Variants in CYCS observed in about 807,000 individuals in gnomAD.
CYCS encodes the protein cytochrome c, somatic.
For synonymous variants in CYCS, 41 were observed against 43.0 expected, an observed-to-expected ratio of 0.95 and a Z score of 0.18; for missense variants, 87 against 125.3, an observed-to-expected ratio of 0.69 and a Z score of 1.46.
At chr7:25,124,710 C>A (rs1783418232) in intron 1 of CYCS, 1 of 159,736 alleles carries the variant, frequency 6.3e-6, no homozygotes, top group Admixed American at 5.9e-5. Flanking sequence ...CTGGGGCGAC[C>A]ACGAGGTCAC....
At position 25,119,936 on chromosome 7, in the gene CYCS, CA is replaced by C. The variant is rs1783333228; in HGVS notation, c.*3764del. On this transcript the variant is annotated 3_prime_UTR_variant, in exon 3 of 3. Coordinates refer to ENST00000305786, the MANE Select transcript of CYCS (RefSeq NM_018947.6). ...CAAGAGAAGTGCAGGAAAAGGATGA[CA>C]AAAGGTAAATCCCTAGCTACCACCA... 2.6e-5 allele frequency among the ~76,000 whole-genome samples: 4 copies of C among 152,072 alleles called. No individual in the cohort carries two copies. The highest frequency in any genetic ancestry group is 2.6e-4 in the Admixed American group (4 of 15,272).
rs7810784 is a variant in CYCS at position 25,121,369 on chromosome 7, A to T, written c.*2332T>A. On this transcript the variant is annotated 3_prime_UTR_variant, in exon 3 of 3. Transcript: ENST00000305786. ...ACCAGTCTGGCCAACATGGTGAAAC[A>T]CCATCTCCACTAAAAATACAAAAAT... 5 of 151,490 alleles carry T rather than the reference A, an allele frequency of 3.3e-5. No homozygotes were observed. The highest frequency in any genetic ancestry group is 7.4e-5 in the Non-Finnish European group (5 of 67,894). The allele number at this position is 151,490 out of a possible 1,614,324, so 9.4% of individuals were successfully genotyped here.
chr7:25,121,463 C>T lies in CYCS; in HGVS notation c.*2238G>A, dbSNP rs901787889. The T allele has an allele frequency of 1.3e-5, 2 of 151,254 alleles. No individual in the cohort carries two copies. The highest frequency in any genetic ancestry group is 1.3e-4 in the Admixed American group (2 of 15,214). 9.4% of individuals were successfully genotyped at this position (151,254 alleles called of 1,614,324 possible). ...GAGGCTGAGGCAGGAGAATCACTTG[C>T]AACTGGAAGGCGGAGGTTGCAGTGA... On this transcript the variant is annotated 3_prime_UTR_variant, in exon 3 of 3. Coordinates refer to ENST00000305786, the MANE Select transcript of CYCS (RefSeq NM_018947.6).
Position 25,119,855 on chromosome 7 carries a change from A to G in CYCS, c.*3846T>C, listed in dbSNP as rs903695562. Among the ~76,000 whole-genome samples, 4 of 152,184 alleles carry G rather than the reference A, an allele frequency of 2.6e-5. No homozygotes were observed. Among genetic ancestry groups the G allele is most frequent in the African/African-American group, 9.7e-5 (4 of 41,446 alleles). Reference sequence around the variant, plus strand: ...CCATGTGGATTCTATCACACCCTTTATAATTTACAGCAATCTTCAGTGGTT... The same window carrying G: ...CCATGTGGATTCTATCACACCCTTTGTAATTTACAGCAATCTTCAGTGGTT... On this transcript the variant is annotated 3_prime_UTR_variant, in exon 3 of 3. Transcript: ENST00000305786.
rs1783415517 is a variant in CYCS at position 25,124,586 on chromosome 7, G to C, written c.-8-459C>G. ...AAATGTTTAAAAAGCGGTCCTGGCT[G>C]TTTCTATCTGCCCAGGTCACAGGAG... is the stretch of plus-strand genomic sequence containing the variant. On this transcript the variant is annotated intron_variant, in intron 1 of 2. Transcript: ENST00000305786. The C allele has an allele frequency of 1.7e-5, 4 of 231,634 alleles. No homozygotes were observed. The South Asian group carries it at 2.1e-4, about 12-fold the overall frequency. 14.3% of individuals were successfully genotyped at this position (231,634 alleles called of 1,614,324 possible).
In CYCS at chr7:25,122,652, G is replaced by T. The variant is rs1783381677; in HGVS notation, c.*1049C>A. 1 of 152,252 alleles carries T rather than the reference G, an allele frequency of 6.6e-6. No individual in the cohort carries two copies. The highest frequency in any genetic ancestry group is 2.4e-5 in the African/African-American group (1 of 41,468). The allele number at this position is 152,252 out of a possible 1,614,324, so 9.4% of individuals were successfully genotyped here. ...GCAAAGAAACTAAGAGTCAATTAGT[G>T]AAGTGTTATTCTAGTTGAGGCAGTC... On this transcript the variant is annotated 3_prime_UTR_variant, in exon 3 of 3. Transcript: ENST00000305786.
chr7:25,120,411 G>C lies in CYCS; in HGVS notation c.*3290C>G, dbSNP rs368562251. On this transcript the variant is annotated 3_prime_UTR_variant, in exon 3 of 3. Transcript: ENST00000305786. ...AATTCTAGATTTAATAGAGTAAAGA[G>C]AAAGTACTTTTGTTACAGACCACTG... 1 of 152,148 alleles carries C rather than the reference G, an allele frequency of 6.6e-6. No homozygotes were observed. The highest frequency in any genetic ancestry group is 1.5e-5 in the Non-Finnish European group (1 of 68,014). The allele number at this position is 152,148 out of a possible 1,614,324, so 9.4% of individuals were successfully genotyped here. A position where few individuals can be genotyped will look rare whatever the true frequency, so the allele number is the denominator to read the frequency against.
At chr7:25,124,484 A>G (rs1783413760) in intron 1 of CYCS, among the ~76,000 whole-genome samples, 1 of 152,218 alleles carries the variant, frequency 6.6e-6, no homozygotes, top group Non-Finnish European at 1.5e-5. Flanking sequence ...CCACAACCGC[A>G]ACTTTTAAAA....
intron 1 of CYCS, 134 bp downstream of exon 1, chr7:25,125,066 G>A (rs1783425949): frequency 6.6e-6 from 1 of 152,356 alleles, no homozygotes; most frequent in African/African-American, 2.4e-5. Context: ...ACAGTCCAGG[G>A]TCTTCACTCC....
intron 1 of CYCS, chr7:25,124,580 C>G (rs902030315): frequency 3.0e-5 from 7 of 235,436 alleles, no homozygotes; most frequent in Non-Finnish European, 5.1e-5. Flanking sequence ...AAAAGCGGTC[C>G]TGGCTGTTTC....
At position 25,123,110 on chromosome 7, in the gene CYCS, A is replaced by G. The variant is rs1184256500; in HGVS notation, c.*591T>C. ...ATCTGTAAGATGTGAGAGGTGTTGAATAATCTTTAATATTACACATAAACC... is the reference window on the plus strand; with the variant it reads ...ATCTGTAAGATGTGAGAGGTGTTGAGTAATCTTTAATATTACACATAAACC... On this transcript the variant is annotated 3_prime_UTR_variant, in exon 3 of 3. Transcript: ENST00000305786. 3 of 155,596 alleles carry G rather than the reference A, an allele frequency of 1.9e-5. No homozygotes were observed. Among genetic ancestry groups the G allele is most frequent in the Non-Finnish European group, 4.3e-5 (3 of 70,042 alleles). 9.6% of individuals were successfully genotyped at this position (155,596 alleles called of 1,614,324 possible).
intron 1 of CYCS, 131 bp from the exon 2 acceptor site, chr7:25,124,258 G>C (rs1783408580): frequency 1.3e-6 from 1 of 772,964 alleles, no homozygotes; most frequent in African/African-American, 1.7e-5. Context: ...AATGAATCTT[G>C]TTTTGCTTTA....
Position 25,122,874 on chromosome 7 carries a change from C to T in CYCS, c.*827G>A, listed in dbSNP as rs1251988036. On this transcript the variant is annotated 3_prime_UTR_variant, in exon 3 of 3. Coordinates refer to ENST00000305786, the MANE Select transcript of CYCS (RefSeq NM_018947.6). ...AATTATCTTTAGTCTTGTGATCACACATAATTTTAAAATTTGTGTATATCT... is the reference window on the plus strand; with the variant it reads ...AATTATCTTTAGTCTTGTGATCACATATAATTTTAAAATTTGTGTATATCT... The T allele has an allele frequency of 6.6e-6, 1 of 152,222 alleles. No individual in the cohort carries two copies. Among genetic ancestry groups the T allele is most frequent in the East Asian group, 1.9e-4 (1 of 5,208 alleles). 9.4% of individuals were successfully genotyped at this position (152,222 alleles called of 1,614,324 possible).
chr7:25,123,213 C>A lies in CYCS; in HGVS notation c.*488G>T, dbSNP rs755259625. On this transcript the variant is annotated 3_prime_UTR_variant, in exon 3 of 3. Transcript: ENST00000305786. Reference sequence around the variant, plus strand: ...TATAATTAGATTGGCATAGTTAAGGCCAAAACTATAGACATTGCTACCTTA... The same window carrying A: ...TATAATTAGATTGGCATAGTTAAGGACAAAACTATAGACATTGCTACCTTA... The A allele has an allele frequency of 5.2e-5, 9 of 173,722 alleles. No individual in the cohort carries two copies. Among genetic ancestry groups the A allele is most frequent in the Non-Finnish European group, 1.1e-4 (9 of 80,026 alleles). The allele number at this position is 173,722 out of a possible 1,614,324, so 10.8% of individuals were successfully genotyped here. A position where few individuals can be genotyped will look rare whatever the true frequency, so the allele number is the denominator to read the frequency against.
At position 25,121,949 on chromosome 7, in the gene CYCS, A is replaced by C. The variant is rs536908994; in HGVS notation, c.*1752T>G. ...CTCAAAAAACAAACTAAACGCCACAACTAGCCAAGATGGAAGGTTGAACAC... is the reference window on the plus strand; with the variant it reads ...CTCAAAAAACAAACTAAACGCCACACCTAGCCAAGATGGAAGGTTGAACAC... On this transcript the variant is annotated 3_prime_UTR_variant, in exon 3 of 3. Coordinates refer to ENST00000305786, the MANE Select transcript of CYCS (RefSeq NM_018947.6). 6.6e-6 allele frequency: 1 copy of C among 151,952 alleles called. No homozygotes were observed. Among genetic ancestry groups the C allele is most frequent in the South Asian group, 2.1e-4 (1 of 4,790 alleles). 9.4% of individuals were successfully genotyped at this position (151,952 alleles called of 1,614,324 possible).
chr7:25,124,610 A>C (rs960848008), intron 1 of CYCS: 3 of 202,802 alleles, frequency 1.5e-5, no homozygotes, highest in African/African-American at 7.1e-5. Flanking sequence ...AGGTCACAGG[A>C]GTAGCTTGAC....
rs1394797719 is a variant in CYCS at position 25,122,941 on chromosome 7, C to T, written c.*760G>A. ...TTTAAGTTGGCAAAAGCACCATTCCCAATCAAATACACAGTTCTACAGTTT... is the reference window on the plus strand; with the variant it reads ...TTTAAGTTGGCAAAAGCACCATTCCTAATCAAATACACAGTTCTACAGTTT... On this transcript the variant is annotated 3_prime_UTR_variant, in exon 3 of 3. Transcript: ENST00000305786. 1.3e-5 allele frequency: 2 copies of T among 152,192 alleles called. No homozygotes were observed. The highest frequency in any genetic ancestry group is 4.8e-5 in the African/African-American group (2 of 41,448). The allele number at this position is 152,192 out of a possible 1,614,324, so 9.4% of individuals were successfully genotyped here.
Position 25,121,850 on chromosome 7 carries a change from C to T in CYCS, c.*1851G>A, listed in dbSNP as rs1034633844. 6.6e-6 allele frequency: 1 copy of T among 152,136 alleles called. No homozygotes were observed. Among genetic ancestry groups the T allele is most frequent in the Non-Finnish European group, 1.5e-5 (1 of 68,056 alleles). 9.4% of individuals were successfully genotyped at this position (152,136 alleles called of 1,614,324 possible). On this transcript the variant is annotated 3_prime_UTR_variant, in exon 3 of 3. Transcript: ENST00000305786. The stretch of plus-strand genomic sequence containing the variant: ...GCTGAAGTGAGAGAATCGCTTGAGC[C>T]TGGGAAATAGAGGTTGCAGCCAGCC...
In CYCS at chr7:25,123,172, T is replaced by A. The variant is rs2128577420; in HGVS notation, c.*529A>T. The stretch of plus-strand genomic sequence containing the variant: ...CCTTTCAATAAGTAAAAGAAACCAT[T>A]TTAAATACAGGGAATTATAATTAGA... On this transcript the variant is annotated 3_prime_UTR_variant, in exon 3 of 3. Coordinates refer to ENST00000305786, the MANE Select transcript of CYCS (RefSeq NM_018947.6). 6.2e-6 allele frequency: 1 copy of A among 162,592 alleles called. No homozygotes were observed. Among genetic ancestry groups the A allele is most frequent in the East Asian group, 1.7e-4 (1 of 5,846 alleles). 10.1% of individuals were successfully genotyped at this position (162,592 alleles called of 1,614,324 possible). A position where few individuals can be genotyped will look rare whatever the true frequency, so the allele number is the denominator to read the frequency against.
Sources: allele counts gnomAD v4.1 joint callset (sites outside exome capture counted in the v4.1 genomes callset), GRCh38; gene constraint gnomAD v4.1.1; transcripts MANE v1.5; gene names NCBI Gene and HGNC (gene_info 2026-07-23, HGNC 2026-07-21).